KCTD8: variants seen among roughly 807,000 people sequenced by gnomAD.
The protein encoded by KCTD8 is potassium channel tetramerization domain containing 8.
Under a neutral mutation model 31.5 loss-of-function variants are expected in KCTD8, and 27 were observed. The observed-to-expected ratio is 0.86, with a 90% confidence interval of 0.63 to 1.18. The LOEUF (loss-of-function observed/expected upper bound fraction) is 1.18. KCTD8 is among the 50% of genes most tolerant of loss of function. The pLI is 0.00. For missense variants in KCTD8, 658 were observed against 647.7 expected, an observed-to-expected ratio of 1.02 and a Z score of -0.17; for synonymous variants, 290 against 280.0, an observed-to-expected ratio of 1.04 and a Z score of -0.36.
intron 1 of KCTD8, among the ~76,000 whole-genome samples, chr4:44,400,422 A>T (rs1205422978): frequency 2.0e-5 from 3 of 152,028 alleles, no homozygotes; most frequent in South Asian, 2.1e-4. Flanking sequence ...AGAAAAAAAA[A>T]AATAAAGATA....
At chr4:44,215,943 T>C (rs1210026607) in intron 1 of KCTD8, among the ~76,000 whole-genome samples, 5 of 152,108 alleles carry the variant, frequency 3.3e-5, no homozygotes, top group East Asian at 1.9e-4. Flanking sequence ...GCTAAAAATA[T>C]GGTGAGGTAC....
chr4:44,266,324 T>G (rs978630176), intron 1 of KCTD8, among the ~76,000 whole-genome samples: 4 of 151,818 alleles, frequency 2.6e-5, no homozygotes, highest in African/African-American at 7.3e-5. Flanking sequence ...AATAAAATAC[T>G]TTACAGACAA....
chr4:44,422,699 G>T (rs1721244448), intron 1 of KCTD8, among the ~76,000 whole-genome samples: 1 of 152,020 alleles, frequency 6.6e-6, no homozygotes, highest in Non-Finnish European at 1.5e-5. Flanking sequence ...AGGGCTAGAT[G>T]GTTTAATTTG....
At chr4:44,305,954 T>A (rs1375683371) in intron 1 of KCTD8, among the ~76,000 whole-genome samples, 1 of 151,670 alleles carries the variant, frequency 6.6e-6, no homozygotes, top group African/African-American at 2.4e-5. Flanking sequence ...TAAAAGCATT[T>A]CCAAATAAGT....
At chr4:44,281,363 A>G (rs567965085) in intron 1 of KCTD8, among the ~76,000 whole-genome samples, 4 of 152,126 alleles carry the variant, frequency 2.6e-5, no homozygotes, top group Admixed American at 2.0e-4. Context: ...TAAAGTGTAC[A>G]TATTTTCCTA....
At chr4:44,283,018 A>T (rs943188649) in intron 1 of KCTD8, among the ~76,000 whole-genome samples, 8 of 145,580 alleles carry the variant, frequency 5.5e-5, no homozygotes, top group Admixed American at 4.2e-4. Flanking sequence ...CTACAAAAAC[A>T]ACACATTTTA....
Position 44,334,751 on chromosome 4 carries a change from A to G in KCTD8, c.961+112812T>C, listed in dbSNP as rs551651155. On this transcript the variant is annotated intron_variant, in intron 1 of 1. Transcript: ENST00000360029. ...CACAAAGGAATAAAACACCAATATT[A>G]GAACCATAAATATTAGGGAATAGTA... Among the ~76,000 whole-genome samples, 6 of 152,282 alleles carry G rather than the reference A, an allele frequency of 3.9e-5. No homozygotes were observed. The South Asian group carries it at 6.2e-4, about 16-fold the overall frequency.
rs1718770105 is a variant in KCTD8, at chr4:44,337,109, C to G, written c.961+110454G>C. Among the ~76,000 whole-genome samples, 4 of 152,020 alleles carry G rather than the reference C, an allele frequency of 2.6e-5. No individual in the cohort carries two copies. The South Asian group carries it at 8.3e-4, about 32-fold the overall frequency. ...AATAAACACCTCTAAAATGTTCAAC[C>G]TAACTAACAATCAATTATAAACTGT... On this transcript the variant is annotated intron_variant, in intron 1 of 1. Coordinates refer to ENST00000360029, the MANE Select transcript of KCTD8 (RefSeq NM_198353.3).
At chr4:44,444,805 G>A (rs1281582407) in intron 1 of KCTD8, among the ~76,000 whole-genome samples, 1 of 143,996 alleles carries the variant, frequency 6.9e-6, no homozygotes, top group Non-Finnish European at 1.6e-5. Context: ...GGGGTTGGGG[G>A]GGAATAACAT....
At position 44,174,574 on chromosome 4, in the gene KCTD8, G is replaced by A; in HGVS notation, c.*216C>T. 1 of 446,240 alleles carries A rather than the reference G, an allele frequency of 2.2e-6. No individual in the cohort carries two copies. The highest frequency in any genetic ancestry group is 3.4e-5 in the East Asian group (1 of 29,318). 27.6% of individuals were successfully genotyped at this position (446,240 alleles called of 1,614,324 possible). On this transcript the variant is annotated 3_prime_UTR_variant, in exon 2 of 2. Coordinates refer to ENST00000360029, the MANE Select transcript of KCTD8 (RefSeq NM_198353.3). ...TGGTTTGAATCAGATATTCCATTTT[G>A]ATTTAACACTTATTGATTTAATATT...
intron 1 of KCTD8, among the ~76,000 whole-genome samples, chr4:44,382,846 A>T (rs951068128): frequency 6.6e-6 from 1 of 152,040 alleles, no homozygotes; most frequent in East Asian, 1.9e-4. Context: ...AGGAGATCCA[A>T]ATTGGAAAGA....
At chr4:44,176,731 T>G (rs1482316571) in intron 1 of KCTD8, among the ~76,000 whole-genome samples, 1 of 152,152 alleles carries the variant, frequency 6.6e-6, no homozygotes, top group Non-Finnish European at 1.5e-5. Flanking sequence ...CTGTATACAT[T>G]TGTGAAAACT....
chr4:44,336,632 C>CA (rs1356092348), intron 1 of KCTD8, among the ~76,000 whole-genome samples: 11 of 151,510 alleles, frequency 7.3e-5, no homozygotes, highest in Admixed American at 2.0e-4. Flanking sequence ...AACTGAAAAA[C>CA]AAAAAATAAG....
At chr4:44,272,121 TTATATA>T (rs34459205) in intron 1 of KCTD8, among the ~76,000 whole-genome samples, 3 of 142,526 alleles carry the variant, frequency 2.1e-5, no homozygotes, top group African/African-American at 5.5e-5. Flanking sequence ...TGGTATTATA[TTATATA>T]TATATATATA....
intron 1 of KCTD8, among the ~76,000 whole-genome samples, chr4:44,266,811 T>A (rs1716384195): frequency 6.6e-6 from 1 of 152,154 alleles, no homozygotes; most frequent in South Asian, 2.1e-4. Context: ...CATTACATAA[T>A]GGTAAAGGGA....
At chr4:44,227,611 TTTTC>T (rs1343940570) in intron 1 of KCTD8, among the ~76,000 whole-genome samples, 1 of 152,194 alleles carries the variant, frequency 6.6e-6, no homozygotes, top group Non-Finnish European at 1.5e-5. Context: ...CCAGTAAGCA[TTTTC>T]TTTGATTGTG....
At chr4:44,291,973 A>AC (rs976453637) in intron 1 of KCTD8, among the ~76,000 whole-genome samples, 3 of 151,332 alleles carry the variant, frequency 2.0e-5, no homozygotes, top group South Asian at 2.1e-4. Context: ...AAAAAAAAAA[A>AC]AAAAAAAAAA....
At chr4:44,181,109 T>C (rs1025577003) in intron 1 of KCTD8, among the ~76,000 whole-genome samples, 1 of 151,838 alleles carries the variant, frequency 6.6e-6, no homozygotes, top group African/African-American at 2.4e-5. Context: ...TAGTGCAGAC[T>C]GTCTGGGTTC....
At chr4:44,191,944 C>T (rs115945519) in intron 1 of KCTD8, among the ~76,000 whole-genome samples, 4,850 of 152,230 alleles carry the variant, frequency 0.032, 260 homozygotes, top group African/African-American at 0.11. Context: ...CACCCCCTCC[C>T]TTTTTGAAAT....
Sources: allele counts gnomAD v4.1 joint callset (sites outside exome capture counted in the v4.1 genomes callset), GRCh38; gene constraint gnomAD v4.1.1; transcripts MANE v1.5; gene names NCBI Gene and HGNC (gene_info 2026-07-23, HGNC 2026-07-21).